LRFN5: variants seen among roughly 807,000 people sequenced by gnomAD.
LRFN5 encodes leucine-rich repeat and fibronectin type-III domain-containing protein 5.
Under a neutral mutation model 45.6 loss-of-function variants are expected in LRFN5, and 24 were observed. The observed-to-expected ratio is 0.53, with a 90% confidence interval of 0.38 to 0.74. The LOEUF (loss-of-function observed/expected upper bound fraction) is 0.74, where lower values mean the gene tolerates loss of function less well. Among genes scored for constraint, LRFN5 ranks in the 30% least tolerant of loss-of-function variants. LRFN5 has a pLI of 0.00. For missense variants in LRFN5, 776 were observed against 861.5 expected, an observed-to-expected ratio of 0.90 and a Z score of 1.24; for synonymous variants, 340 against 313.8, an observed-to-expected ratio of 1.08 and a Z score of -0.88.
chr14:41,662,540 T>G (rs2138640939), intron 1 of LRFN5, among the ~76,000 whole-genome samples: 3 of 152,064 alleles, frequency 2.0e-5, no homozygotes, highest in South Asian at 4.2e-4. Context: ...GCAAACAAGA[T>G]TTGTCATTAA....
In LRFN5 at chr14:41,904,377, A is replaced by G; in HGVS notation, c.*202A>G. The G allele has an allele frequency of 1.9e-6, 1 of 514,230 alleles. No individual in the cohort carries two copies. Among genetic ancestry groups the G allele is most frequent in the South Asian group, 4.0e-5 (1 of 24,708 alleles). The allele number at this position is 514,230 out of a possible 1,614,324, so 31.9% of individuals were successfully genotyped here. Reference sequence around the variant, plus strand: ...CATGGTTCATCCTCTTTTAAAACCAAATTTTTTTTTCTTCTGGCCTACAAG... The same window carrying G: ...CATGGTTCATCCTCTTTTAAAACCAGATTTTTTTTTCTTCTGGCCTACAAG... On this transcript the variant is annotated 3_prime_UTR_variant, in exon 6 of 6. Coordinates refer to ENST00000298119, the MANE Select transcript of LRFN5 (RefSeq NM_152447.5).
At chr14:41,690,263 A>G (rs935574223) in intron 1 of LRFN5, among the ~76,000 whole-genome samples, 1 of 152,144 alleles carries the variant, frequency 6.6e-6, no homozygotes, top group Non-Finnish European at 1.5e-5. Flanking sequence ...AGAAATAAAC[A>G]TTTTGGCCAG....
At chr14:41,705,243 C>G (rs1387473770) in intron 1 of LRFN5, among the ~76,000 whole-genome samples, 1 of 152,056 alleles carries the variant, frequency 6.6e-6, no homozygotes, top group Non-Finnish European at 1.5e-5. Context: ...AGTGCTATGG[C>G]CTCAGTTGCT....
chr14:41,738,703 A>G (rs1884555218), intron 1 of LRFN5, among the ~76,000 whole-genome samples: 1 of 152,208 alleles, frequency 6.6e-6, no homozygotes, highest in Non-Finnish European at 1.5e-5. Context: ...TTCAGAGTCC[A>G]GATTGCTCAT....
intron 1 of LRFN5, among the ~76,000 whole-genome samples, chr14:41,746,162 G>C (rs1037617957): frequency 2.0e-5 from 3 of 151,958 alleles, no homozygotes; most frequent in African/African-American, 7.2e-5. Context: ...CCGACTGACT[G>C]TGTGTGACTT....
At chr14:41,629,300 G>A (rs1051150266) in intron 1 of LRFN5, among the ~76,000 whole-genome samples, 4 of 152,126 alleles carry the variant, frequency 2.6e-5, no homozygotes, top group Admixed American at 6.5e-5. Context: ...CCAACAACAG[G>A]AGAATGGGAT....
chr14:41,687,311 G>A (rs944908213), intron 1 of LRFN5, among the ~76,000 whole-genome samples: 3 of 152,112 alleles, frequency 2.0e-5, no homozygotes, highest in East Asian at 1.9e-4. Context: ...CAGTCAGAAC[G>A]GCAATTATTA....
chr14:41,733,432 A>G (rs1884268545), intron 1 of LRFN5: 1 of 152,064 alleles, frequency 6.6e-6, no homozygotes, highest in East Asian at 1.9e-4. Flanking sequence ...AAAAATATCA[A>G]CCAAGACTCC....
chr14:41,742,049 C>T (rs890528750), intron 1 of LRFN5, among the ~76,000 whole-genome samples: 23 of 151,636 alleles, frequency 1.5e-4, no homozygotes, highest in African/African-American at 5.1e-4. Context: ...GAAATGGACC[C>T]TTTGTACACT....
chr14:41,706,207 T>C (rs534188092), intron 1 of LRFN5, among the ~76,000 whole-genome samples: 2 of 152,134 alleles, frequency 1.3e-5, no homozygotes, highest in South Asian at 2.1e-4. Context: ...TTCAAGCGAT[T>C]ATCCCACCTC....
chr14:41,851,984 G>GA (rs150717593), intron 2 of LRFN5, among the ~76,000 whole-genome samples: 48,920 of 149,942 alleles, frequency 0.33, 9,163 homozygotes, highest in Non-Finnish European at 0.43. Context: ...AAGTAATGCA[G>GA]AAAAAAAAAG....
intron 2 of LRFN5, among the ~76,000 whole-genome samples, chr14:41,831,077 C>T (rs1357513949): frequency 1.3e-5 from 2 of 152,162 alleles, no homozygotes; most frequent in African/African-American, 2.4e-5. Context: ...ATTTATATTT[C>T]ATTTTCTTAA....
At position 41,891,714 on chromosome 14, in the gene LRFN5, G is replaced by C. The variant is rs763861491; in HGVS notation, c.1850G>C (p.Cys617Ser). ...AATGTGATTCAATCTTCAGAAACTTGTTCGAGTCAGGACTCCTCTACCACT... is the reference window on the plus strand; with the variant it reads ...AATGTGATTCAATCTTCAGAAACTTCTTCGAGTCAGGACTCCTCTACCACT... ...SDNVIQSSET[C>S]SSQDSSTTTS... The change falls in exon 4 of 6, where the codon TGT becomes TCT. Residue 617 changes from cysteine (C) to serine (S), a missense_variant. Transcript: ENST00000298119. 1.2e-6 allele frequency: 2 copies of C among 1,614,178 alleles called. No individual in the cohort carries two copies. Among genetic ancestry groups the C allele is most frequent in the East Asian group, 4.5e-5 (2 of 44,866 alleles).
rs556625918 is a variant in LRFN5, at chr14:41,792,189, G to A, written c.-21+25160G>A. Among the ~76,000 whole-genome samples the A allele has an allele frequency of 8.5e-5, 13 of 152,068 alleles. No individual in the cohort carries two copies. The South Asian group carries it at 2.5e-3, about 29-fold the overall frequency. The stretch of plus-strand genomic sequence containing the variant: ...TATTAAGGGTTTCAAAAGGGGATGG[G>A]GTGTAAAGCAGGGAGTAGGTACAAA... On this transcript the variant is annotated intron_variant, in intron 2 of 5. Transcript: ENST00000298119.
At position 41,787,511 on chromosome 14, in the gene LRFN5, C is replaced by CTT. The variant is rs144086718; in HGVS notation, c.-21+20491_-21+20492dup. ...TTGAAATATATAGCACTTTTTTTGT[C>CTT]TTTTTTTTTTCTAGTGGCTTAAAAA... is the stretch of plus-strand genomic sequence containing the variant. On this transcript the variant is annotated intron_variant, in intron 2 of 5. Coordinates refer to ENST00000298119, the MANE Select transcript of LRFN5 (RefSeq NM_152447.5). 3.9e-3 allele frequency among the ~76,000 whole-genome samples: 582 copies of CTT among 148,724 alleles called. 5 individuals are homozygous for CTT. The highest frequency in any genetic ancestry group is 5.5e-3 in the Non-Finnish European group (372 of 67,148).
At chr14:41,747,035 C>T (rs774051650) in intron 1 of LRFN5, among the ~76,000 whole-genome samples, 2 of 151,928 alleles carry the variant, frequency 1.3e-5, no homozygotes, top group Admixed American at 6.6e-5. Context: ...AACTACAAAA[C>T]ATTTCTGAAA....
At chr14:41,692,158 T>C (rs544672574) in intron 1 of LRFN5, among the ~76,000 whole-genome samples, 1 of 152,240 alleles carries the variant, frequency 6.6e-6, no homozygotes, top group Non-Finnish European at 1.5e-5. Context: ...TGGTAATCAT[T>C]TTTCAAAGTA....
chr14:41,855,855 A>G (rs72670403), intron 2 of LRFN5, among the ~76,000 whole-genome samples: 2 of 152,200 alleles, frequency 1.3e-5, no homozygotes, highest in African/African-American at 4.8e-5. Context: ...TTGTGAAACT[A>G]TGTATCACTG....
intron 2 of LRFN5, among the ~76,000 whole-genome samples, chr14:41,820,410 A>G (rs535922819): frequency 6.6e-6 from 1 of 151,992 alleles, no homozygotes; most frequent in East Asian, 1.9e-4. Flanking sequence ...TTTATTGATA[A>G]CCAGTTAGTT....
Sources: gnomAD v4.1 joint callset for allele counts (sites outside exome capture counted in the v4.1 genomes callset) on GRCh38, gnomAD v4.1.1 for gene constraint, MANE v1.5 for transcripts, NCBI Gene and HGNC (gene_info 2026-07-23, HGNC 2026-07-21) for gene names.